Variants in EFNA5 observed in about 807,000 individuals in gnomAD.
EFNA5 encodes the protein ephrin A5, also known as ephrin-A5.
Under a neutral mutation model 22.9 loss-of-function variants are expected in EFNA5, and 5 were observed. That is an observed-to-expected ratio of 0.22 (90% confidence interval 0.11 to 0.46). The LOEUF (loss-of-function observed/expected upper bound fraction) is 0.46. EFNA5 is among the 20% of genes least tolerant of loss of function. EFNA5 has a pLI of 0.99. For missense variants in EFNA5, 237 were observed against 293.3 expected (o/e 0.81, Z 1.40); for synonymous variants, 113 against 112.2 (o/e 1.01, Z -0.04).
intron 1 of EFNA5, among the ~76,000 whole-genome samples, chr5:107,542,490 G>A (rs774576214): frequency 2.0e-4 from 31 of 151,372 alleles, no homozygotes; most frequent in Non-Finnish European, 3.2e-4. Flanking sequence ...AGAGTCTGCC[G>A]CCTGCATGCA....
rs80246283 is a variant in EFNA5, at chr5:107,436,837, T to C, written c.126-9328A>G. 6.4e-3 allele frequency among the ~76,000 whole-genome samples: 981 copies of C among 152,256 alleles called. 8 individuals carry two copies. Among genetic ancestry groups the C allele is most frequent in the African/African-American group, 0.023 (937 of 41,540 alleles). On this transcript the variant is annotated intron_variant, in intron 1 of 4. Coordinates refer to ENST00000333274, the MANE Select transcript of EFNA5 (RefSeq NM_001962.3). ...CCACCTGTCAAACTGCTTACTTCCA[T>C]GTAGCCCTTTTGTATCTTCTAGATA...
chr5:107,566,268 A>G (rs1343659019), intron 1 of EFNA5, among the ~76,000 whole-genome samples: 2 of 152,164 alleles, frequency 1.3e-5, no homozygotes, highest in Non-Finnish European at 2.9e-5. Flanking sequence ...TATTCAAAGC[A>G]GCTTTCACAG....
intron 1 of EFNA5, among the ~76,000 whole-genome samples, chr5:107,436,120 T>C (rs1167872681): frequency 6.6e-6 from 1 of 152,254 alleles, no homozygotes; most frequent in African/African-American, 2.4e-5. Flanking sequence ...ACAAGTCATG[T>C]CAGTCTGAAT....
intron 1 of EFNA5, among the ~76,000 whole-genome samples, chr5:107,518,113 A>G (rs928222806): frequency 1.1e-4 from 16 of 152,250 alleles, no homozygotes; most frequent in African/African-American, 3.9e-4. Context: ...CTGCTACAGG[A>G]GAGATGAAAG....
At chr5:107,529,129 G>A (rs776004775) in intron 1 of EFNA5, among the ~76,000 whole-genome samples, 56 of 152,022 alleles carry the variant, frequency 3.7e-4, no homozygotes, top group Admixed American at 1.3e-4. Context: ...AGATTGTTCC[G>A]AGTTTATTTC....
intron 1 of EFNA5, among the ~76,000 whole-genome samples, chr5:107,640,931 T>C (rs1481440290): frequency 2.6e-5 from 4 of 151,976 alleles, no homozygotes; most frequent in Non-Finnish European, 5.9e-5. Context: ...CTCTTACATT[T>C]CTGAGTTTCA....
chr5:107,668,941 C>T lies in EFNA5; in HGVS notation c.125+1548G>A, dbSNP rs568962810. 3.9e-5 allele frequency among the ~76,000 whole-genome samples: 6 copies of T among 152,204 alleles called. No individual in the cohort carries two copies. The South Asian group carries it at 1.2e-3, about 32-fold the overall frequency. On this transcript the variant is annotated intron_variant, in intron 1 of 4. Coordinates refer to ENST00000333274, the MANE Select transcript of EFNA5 (RefSeq NM_001962.3). ...CATTCCACCACCCACCTCCAGGAGA[C>T]TCTTGTTTTTTGAACCAAACTTTCA... is the stretch of plus-strand genomic sequence containing the variant.
At chr5:107,406,594 T>C (rs1373644104) in intron 2 of EFNA5, among the ~76,000 whole-genome samples, 3 of 152,248 alleles carry the variant, frequency 2.0e-5, no homozygotes, top group South Asian at 2.1e-4. Flanking sequence ...GTTTTATATA[T>C]ATATATCACA....
chr5:107,571,445 C>CT (rs1171661282), intron 1 of EFNA5, among the ~76,000 whole-genome samples: 5 of 151,210 alleles, frequency 3.3e-5, no homozygotes, highest in Non-Finnish European at 5.9e-5. Context: ...AACAAGTTCA[C>CT]TGAATCCAAG....
intron 1 of EFNA5, among the ~76,000 whole-genome samples, chr5:107,535,459 T>C (rs538829311): frequency 6.6e-6 from 1 of 152,006 alleles, no homozygotes; most frequent in African/African-American, 2.4e-5. Context: ...CAGAAAAACA[T>C]AGAGTCAAAA....
intron 1 of EFNA5, among the ~76,000 whole-genome samples, chr5:107,582,468 A>G (rs1359610813): frequency 1.3e-5 from 2 of 152,160 alleles, no homozygotes; most frequent in East Asian, 1.9e-4. Flanking sequence ...TGAAGATGCT[A>G]AAGACCTGTA....
At chr5:107,543,186 A>C (rs915795255) in intron 1 of EFNA5, among the ~76,000 whole-genome samples, 1 of 152,168 alleles carries the variant, frequency 6.6e-6, no homozygotes, top group African/African-American at 2.4e-5. Context: ...ACATCTGTGC[A>C]CACTCCCGGA....
At chr5:107,463,108 G>A (rs1240967079) in intron 1 of EFNA5, among the ~76,000 whole-genome samples, 1 of 152,096 alleles carries the variant, frequency 6.6e-6, no homozygotes, top group Non-Finnish European at 1.5e-5. Flanking sequence ...CAGTTCTATA[G>A]TCTTTAATTC....
rs1408684460 is a variant in EFNA5, at chr5:107,470,928, T to C, written c.126-43419A>G. ...TAAGATGTCTTTTTTATCTCTTTTC[T>C]TCAAGAAAAACCCATCTACTAAGTT... On this transcript the variant is annotated intron_variant, in intron 1 of 4. Coordinates refer to ENST00000333274, the MANE Select transcript of EFNA5 (RefSeq NM_001962.3). 2.6e-5 allele frequency among the ~76,000 whole-genome samples: 4 copies of C among 152,172 alleles called. No homozygotes were observed. The East Asian group carries it at 7.7e-4, about 29-fold the overall frequency.
chr5:107,544,045 G>A (rs1748099356), intron 1 of EFNA5, among the ~76,000 whole-genome samples: 1 of 152,190 alleles, frequency 6.6e-6, no homozygotes, highest in Admixed American at 6.5e-5. Context: ...GGGCCCTGGA[G>A]GGAAGCCCAT....
chr5:107,565,763 A>G lies in EFNA5; in HGVS notation c.125+104726T>C, dbSNP rs544083422. On this transcript the variant is annotated intron_variant, in intron 1 of 4. Transcript: ENST00000333274. ...GGGGCATAAATTATTTTTAACTTAT[A>G]TGGTTAAATGATTAAAGTTCTATAA... Among the ~76,000 whole-genome samples, 15 of 152,340 alleles carry G rather than the reference A, an allele frequency of 9.8e-5. No individual in the cohort carries two copies. The South Asian group carries it at 1.0e-3, about 11-fold the overall frequency.
chr5:107,655,379 T>C (rs774403379), intron 1 of EFNA5, among the ~76,000 whole-genome samples: 12 of 152,154 alleles, frequency 7.9e-5, no homozygotes, highest in Non-Finnish European at 1.6e-4. Context: ...AATCTAGCTT[T>C]CCTATGAGCA....
At chr5:107,663,432 T>C (rs1751006443) in intron 1 of EFNA5, among the ~76,000 whole-genome samples, 2 of 152,148 alleles carry the variant, frequency 1.3e-5, no homozygotes, top group African/African-American at 2.4e-5. Flanking sequence ...ACTAACAACA[T>C]GATTGTCCAA....
Position 107,557,870 on chromosome 5 carries a change from G to A in EFNA5, c.125+112619C>T, listed in dbSNP as rs539543633. Among the ~76,000 whole-genome samples the A allele has an allele frequency of 1.6e-4, 25 of 152,148 alleles. 1 individual carries two copies. The South Asian group carries it at 4.1e-3, about 25-fold the overall frequency. The stretch of plus-strand genomic sequence containing the variant: ...AAATAATGAAGCAGTCAAGTGGAGC[G>A]GTTCACAGCATACATTTACAATCAA... On this transcript the variant is annotated intron_variant, in intron 1 of 4. Transcript: ENST00000333274.
Sources: gnomAD v4.1 joint callset for allele counts (sites outside exome capture counted in the v4.1 genomes callset) on GRCh38, gnomAD v4.1.1 for gene constraint, MANE v1.5 for transcripts, NCBI Gene and HGNC (gene_info 2026-07-23, HGNC 2026-07-21) for gene names.